The following MYO15A variants were observed in gnomAD, a reference collection of about 807,000 sequenced individuals.
MYO15A encodes myosin XVA.
A neutral mutation model predicts 394.6 loss-of-function variants in MYO15A; 308 were observed. The observed-to-expected ratio is 0.78, with a 90% confidence interval of 0.71 to 0.86. The LOEUF is 0.86. MYO15A is among the 40% of genes least tolerant of loss of function. The pLI is 0.00. For missense variants in MYO15A, 4,606 were observed against 4,799.1 expected (o/e 0.96, Z 1.19); for synonymous variants, 1,957 against 2,003.8 (o/e 0.98, Z 0.62).
Position 18,114,425 on chromosome 17 carries a change from T to C in MYO15A, c.-219-4157T>C, listed in dbSNP as rs543450274. Among the ~76,000 whole-genome samples the C allele has an allele frequency of 9.9e-5, 15 of 152,178 alleles. No individual in the cohort carries two copies. In the South Asian group the frequency reaches 3.1e-3, roughly 32 times the overall value. The stretch of plus-strand genomic sequence containing the variant: ...CGCCACCACGCCCAGCTAATTTTTG[T>C]ATTTTTAGTGGAAATGAGGTTTTAC... On this transcript the variant is annotated intron_variant, in intron 1 of 65. Transcript: ENST00000647165.
intron 1 of MYO15A, among the ~76,000 whole-genome samples, 197 bp from the exon 2 acceptor site, chr17:18,118,385 C>T (rs1046631375): frequency 1.3e-5 from 2 of 152,182 alleles, no homozygotes. Flanking sequence ...CAATGTCTTC[C>T]TCTGTGAAGC....
At chr17:18,154,829 A>C (rs1165354608) in intron 45 of MYO15A, 74 bp downstream of exon 45, 1 of 1,506,476 alleles carries the variant, frequency 6.6e-7, no homozygotes. Context: ...CCAGAGGGAG[A>C]CTGAGGCTGA....
chr17:18,123,721 G>T (rs532203826), intron 2 of MYO15A: 47 of 154,432 alleles, frequency 3.0e-4, no homozygotes, highest in Non-Finnish European at 4.9e-4. Context: ...ATCCCTGGGG[G>T]TCAGGGTTGT....
intron 1 of MYO15A, among the ~76,000 whole-genome samples, chr17:18,112,940 C>T (rs147815223): frequency 2.5e-3 from 380 of 151,762 alleles, no homozygotes; most frequent in Middle Eastern, 0.017. Context: ...CTCTGCCTCC[C>T]GGGTTCAAGA....
chr17:18,144,703 C>A, intron 29 of MYO15A, 111 bp downstream of exon 29: 1 of 964,578 alleles, frequency 1.0e-6, no homozygotes, highest in Non-Finnish European at 1.6e-6. Flanking sequence ...ATGAGCCCCA[C>A]ACCTCTTCCC....
intron 51 of MYO15A, 152 bp downstream of exon 51, chr17:18,158,052 T>G (rs374364872): frequency 8.2e-5 from 90 of 1,102,140 alleles, no homozygotes; most frequent in Non-Finnish European, 1.0e-4. Flanking sequence ...GTGAACCAGG[T>G]AGAGTGAGCC....
At chr17:18,140,964 C>A (rs1322187000) in intron 21 of MYO15A, 55 bp from the exon 22 acceptor site, 1 of 1,612,974 alleles carries the variant, frequency 6.2e-7, no homozygotes, top group Non-Finnish European at 8.5e-7. Context: ...CATGATAATG[C>A]CTTTTGCACA....
chr17:18,140,556 GC>G lies in MYO15A; in HGVS notation c.5255del (p.Pro1752LeufsTer45). 2 of 1,613,638 alleles carry G rather than the reference GC, an allele frequency of 1.2e-6. No homozygotes were observed. The highest frequency in any genetic ancestry group is 1.7e-6 in the Non-Finnish European group (2 of 1,180,020). On this transcript the variant is annotated frameshift_variant, in exon 20 of 66. Transcript: ENST00000647165. LOFTEE classifies it high-confidence loss of function. ...CTTCTCCAGCCATGCCCCACAGGCT[GC>G]CCCTCAGCGCCTGGGCAAGAGCAGC... ...HLFSSHAPQA[A>X]PQRLGKSSSV... is the part of the protein sequence containing the mutation.
chr17:18,160,823 C>T (rs991471567), intron 56 of MYO15A: 4 of 321,912 alleles, frequency 1.2e-5, no homozygotes, highest in South Asian at 2.6e-5. Flanking sequence ...GCACACAGTA[C>T]GTGCCCAATG....
rs145466566 is a variant in MYO15A at position 18,131,187 on chromosome 17, C to T, written c.4039-52C>T. 99 of 1,536,572 alleles carry T rather than the reference C, an allele frequency of 6.4e-5. 1 individual carries two copies. The East Asian group carries it at 2.2e-3, about 35-fold the overall frequency. On this transcript the variant is annotated intron_variant, in intron 8 of 65. Transcript: ENST00000647165. ...CCCCAGCTATGCCCCCCACCCAGGC[C>T]CCCAGAACAGTGCCTAGCCCCTCAA... is the stretch of plus-strand genomic sequence containing the variant.
At chr17:18,109,189 A>C (rs184977620) in intron 1 of MYO15A, 1 of 152,340 alleles carries the variant, frequency 6.6e-6, no homozygotes, top group Non-Finnish European at 1.5e-5. Flanking sequence ...GAAGGCCTTG[A>C]GTTCACAGGG....
chr17:18,137,968 C>T, intron 16 of MYO15A, 147 bp from the exon 17 acceptor site: 3 of 1,160,800 alleles, frequency 2.6e-6, no homozygotes, highest in Non-Finnish European at 3.6e-6. Context: ...GCTCATGCTG[C>T]CTTATTAGGG....
chr17:18,164,130 A>T (rs765091787), intron 60 of MYO15A: 153 of 471,568 alleles, frequency 3.2e-4, no homozygotes, highest in Non-Finnish European at 5.4e-4. Context: ...CCTCAAGGAG[A>T]TTACATCCTG....
rs755031136 is a variant in MYO15A, at chr17:18,119,323, C to A, written c.523C>A (p.Pro175Thr). The change falls in exon 2 of 66, where the codon CCG (proline) becomes ACG (threonine). Residue 175 changes from proline (P) to threonine (T), a missense_variant. This residue lies in a region of MYO15A where 1,830 missense variants were observed against 1,689.7 expected (regional missense o/e 1.08). Coordinates refer to ENST00000647165, the MANE Select transcript of MYO15A (RefSeq NM_016239.4). ...SRMGSRKLPFPSGAEILRPGG... is the reference protein window; with the variant it reads ...SRMGSRKLPFTSGAEILRPGG... ...CATGGGCTCCCGCAAACTCCCCTTC[C>A]CGTCGGGTGCCGAGATCCTGCGGCC... 5 of 1,609,888 alleles carry A rather than the reference C, an allele frequency of 3.1e-6. No homozygotes were observed. The highest frequency in any genetic ancestry group is 4.2e-6 in the Non-Finnish European group (5 of 1,179,440).
rs1213002731 is a variant in MYO15A, at chr17:18,120,834, G to A, written c.2034G>A (p.Pro678=). 3.4e-6 allele frequency: 4 copies of A among 1,172,966 alleles called. No homozygotes were observed. The highest frequency in any genetic ancestry group is 2.7e-5 in the South Asian group (1 of 36,704). 72.7% of individuals were successfully genotyped at this position (1,172,966 alleles called of 1,614,324 possible). A position where few individuals can be genotyped will look rare whatever the true frequency, so the allele number is the denominator to read the frequency against. The change falls in exon 2 of 66, where the codon CCG becomes CCA. Residue 678 remains proline, a synonymous_variant. Transcript: ENST00000647165. ...RPPSSGPPPA[P]PLSPALSGLP... is the part of the protein sequence containing the mutation. The stretch of plus-strand genomic sequence containing the variant: ...CAAGCTCCGGGCCCCCGCCCGCGCC[G>A]CCGCTCTCCCCGGCGCTCTCGGGCC...
At chr17:18,122,586 G>A in intron 2 of MYO15A, 177 bp downstream of exon 2, 5 of 956,486 alleles carry the variant, frequency 5.2e-6, no homozygotes, top group Non-Finnish European at 7.5e-6. Flanking sequence ...CTGGAGGGTT[G>A]AACAAGGGGA....
At chr17:18,125,282 C>T (rs556742153) in intron 4 of MYO15A, 51 bp downstream of exon 4, 7 of 1,560,780 alleles carry the variant, frequency 4.5e-6, no homozygotes, top group Non-Finnish European at 6.2e-6. Flanking sequence ...AAGGCAGCTG[C>T]CTCCTGGGGC....
rs754154584 is a variant in MYO15A, at chr17:18,154,196, G to A, written c.8148+6G>A. The A allele has an allele frequency of 6.2e-7, 1 of 1,613,912 alleles. No homozygotes were observed. ...TTGACCTCCTGTTCCGGCAGGTGAG[G>A]TCCTGTCTCCCCTTTCTGCCTCAGT... is the stretch of plus-strand genomic sequence containing the variant. On this transcript the variant is annotated splice_donor_region_variant and intron_variant, in intron 44 of 65. Transcript: ENST00000647165.
Position 18,138,926 on chromosome 17 carries a change from T to A in MYO15A, c.5123T>A (p.Val1708Asp). The A allele has an allele frequency of 6.2e-7, 1 of 1,612,380 alleles. No individual in the cohort carries two copies. The highest frequency in any genetic ancestry group is 8.5e-7 in the Non-Finnish European group (1 of 1,179,250). ...EFTIKHYAGK[V>D]TYQVHKFLDK... is the part of the protein sequence containing the mutation. ...ACCATCAAGCACTATGCAGGCAAGG[T>A]CACCTACCAGGTGAGCCCTAAGACA... Residue 1708 changes from valine to aspartate, a missense_variant, in exon 18 of 66, where the codon GTC becomes GAC. This residue lies in a region of MYO15A where 2,776 missense variants were observed against 3,109.3 expected (regional missense o/e 0.89). Transcript: ENST00000647165.
Sources: allele counts gnomAD v4.1 joint callset (sites outside exome capture counted in the v4.1 genomes callset), GRCh38; gene constraint gnomAD v4.1.1; regional missense constraint gnomAD v4.1.1; transcripts MANE v1.5; gene names NCBI Gene and HGNC (gene_info 2026-07-23, HGNC 2026-07-21).